SDK1: variants seen among roughly 807,000 people sequenced by gnomAD.
SDK1 encodes the protein protein sidekick-1.
In SDK1, 157 loss-of-function variants were observed where a neutral mutation model predicts 245.5. That is an observed-to-expected ratio of 0.64 (90% CI 0.56 to 0.73). The LOEUF is 0.73. SDK1 is among the 30% of genes least tolerant of loss of function. The pLI, the probability that SDK1 is intolerant of heterozygous loss-of-function variation, is 0.00. For synonymous variants in SDK1, 1,647 were observed against 1,278.5 expected, an observed-to-expected ratio of 1.29 and a Z score of -6.15; for missense variants, 3,583 against 3,002.3, an observed-to-expected ratio of 1.19 and a Z score of -4.52.
At chr7:4,160,698 C>T (rs951654751) in intron 31 of SDK1, among the ~76,000 whole-genome samples, 2 of 152,172 alleles carry the variant, frequency 1.3e-5, no homozygotes, top group African/African-American at 4.8e-5. Flanking sequence ...ATTGAGAACT[C>T]CCTGTAATGG....
chr7:3,321,255 A>C (rs1198069328), intron 1 of SDK1, among the ~76,000 whole-genome samples: 1 of 152,234 alleles, frequency 6.6e-6, no homozygotes, highest in East Asian at 1.9e-4. Flanking sequence ...TCAAAGTGAA[A>C]ACAAGTTGGA....
At chr7:4,065,709 T>TG (rs1779849791) in intron 19 of SDK1, among the ~76,000 whole-genome samples, 6 of 82,670 alleles carry the variant, frequency 7.3e-5, no homozygotes, top group Non-Finnish European at 1.1e-4. Context: ...TTTTTTTTTT[T>TG]TTTTTTTTTT....
rs562854278 is a variant in SDK1, at chr7:3,449,946, G to A, written c.298+148062G>A. ...TCCAGGATGCCATGAAAACGTAGAGGGGAACACACAAATCAGACTGGCTGT... is the reference window on the plus strand; with the variant it reads ...TCCAGGATGCCATGAAAACGTAGAGAGGAACACACAAATCAGACTGGCTGT... On this transcript the variant is annotated intron_variant, in intron 1 of 44. Coordinates refer to ENST00000404826, the MANE Select transcript of SDK1 (RefSeq NM_152744.4). Among the ~76,000 whole-genome samples, 8 of 152,238 alleles carry A rather than the reference G, an allele frequency of 5.3e-5. No homozygotes were observed. In the South Asian group the frequency reaches 8.3e-4, roughly 16 times the overall value.
chr7:3,461,279 C>T, intron 1 of SDK1, among the ~76,000 whole-genome samples: 1 of 152,188 alleles, frequency 6.6e-6, no homozygotes, highest in East Asian at 1.9e-4. Flanking sequence ...TTTCTAGTCA[C>T]TGTGACAATT....
intron 4 of SDK1, among the ~76,000 whole-genome samples, chr7:3,749,542 G>A (rs530375285): frequency 1.0e-3 from 158 of 152,134 alleles, no homozygotes; most frequent in African/African-American, 3.7e-3. Context: ...CTCGTGATCC[G>A]CCCGCCTTGG....
intron 2 of SDK1, among the ~76,000 whole-genome samples, chr7:3,636,968 A>G (rs115363351): frequency 6.6e-6 from 1 of 151,928 alleles, no homozygotes; most frequent in Non-Finnish European, 1.5e-5. Context: ...CCTGTTGACC[A>G]TTTCTGTGGC....
At chr7:3,503,149 G>T (rs1246511310) in intron 1 of SDK1, among the ~76,000 whole-genome samples, 1 of 152,160 alleles carries the variant, frequency 6.6e-6, no homozygotes, top group Non-Finnish European at 1.5e-5. Context: ...TGGCAAGGGA[G>T]TATTATCACA....
intron 5 of SDK1, among the ~76,000 whole-genome samples, chr7:3,870,604 T>A (rs1222809055): frequency 2.0e-5 from 3 of 152,196 alleles, no homozygotes; most frequent in African/African-American, 7.2e-5. Context: ...TTAAATAATT[T>A]TAGATTTACA....
At chr7:3,444,482 T>C (rs2128589616) in intron 1 of SDK1, among the ~76,000 whole-genome samples, 1 of 152,334 alleles carries the variant, frequency 6.6e-6, no homozygotes, top group East Asian at 1.9e-4. Context: ...TAGTAGCAGG[T>C]AGTACTAAAA....
intron 4 of SDK1, among the ~76,000 whole-genome samples, chr7:3,677,162 T>A (rs780127121): frequency 6.6e-6 from 1 of 152,162 alleles, no homozygotes; most frequent in Non-Finnish European, 1.5e-5. Context: ...AATTTCCAAC[T>A]CTCCCACAGG....
chr7:3,939,333 T>C (rs1355479922), intron 5 of SDK1, among the ~76,000 whole-genome samples: 1 of 152,226 alleles, frequency 6.6e-6, no homozygotes, highest in Non-Finnish European at 1.5e-5. Context: ...ATAGAAAATG[T>C]CTTCCAGACA....
At chr7:3,441,157 C>T (rs2341022) in intron 1 of SDK1, among the ~76,000 whole-genome samples, 3,297 of 152,196 alleles carry the variant, frequency 0.022, 70 homozygotes, top group South Asian at 0.06. Flanking sequence ...GTTCACATAA[C>T]TATTATTACA....
At chr7:3,854,433 C>A (rs1036142810) in intron 5 of SDK1, among the ~76,000 whole-genome samples, 1 of 152,134 alleles carries the variant, frequency 6.6e-6, no homozygotes, top group African/African-American at 2.4e-5. Flanking sequence ...TTAATGATTG[C>A]CCCCTGTCTC....
chr7:4,140,374 A>G (rs563868225), intron 28 of SDK1, among the ~76,000 whole-genome samples: 1 of 152,132 alleles, frequency 6.6e-6, no homozygotes, highest in South Asian at 2.1e-4. Flanking sequence ...GAGCCCTCAC[A>G]TGCTGGAGGC....
At chr7:4,217,985 T>C (rs79011841) in intron 38 of SDK1, among the ~76,000 whole-genome samples, 10,964 of 152,258 alleles carry the variant, frequency 0.072, 427 homozygotes, top group Middle Eastern at 0.13. Context: ...AGTTTGTGTG[T>C]TGATGACAGT....
At chr7:4,011,217 G>C in intron 15 of SDK1, 104 bp downstream of exon 15, 1 of 1,409,974 alleles carries the variant, frequency 7.1e-7, no homozygotes, top group Non-Finnish European at 9.6e-7. Flanking sequence ...CAACCCGCTG[G>C]CTTCCCTCAG....
At chr7:3,639,622 T>G (rs754252336) in intron 3 of SDK1, among the ~76,000 whole-genome samples, 2 of 152,104 alleles carry the variant, frequency 1.3e-5, no homozygotes, top group Non-Finnish European at 2.9e-5. Flanking sequence ...AGAACGAAAC[T>G]TTTAAAAGTA....
chr7:3,396,207 T>A (rs28875559), intron 1 of SDK1, among the ~76,000 whole-genome samples: 7 of 151,978 alleles, frequency 4.6e-5, no homozygotes, highest in African/African-American at 1.2e-4. Context: ...TTTAAAAAAA[T>A]TTTTCTTTGA....
Position 4,267,265 on chromosome 7 carries a change from C to A in SDK1, c.*1881C>A. ...TCTTTCCTCCCTCCCTCCCTCCTTCCCTCCCTTCCTTCCTCTCTTTCCTCC... is the reference window on the plus strand; with the variant it reads ...TCTTTCCTCCCTCCCTCCCTCCTTCACTCCCTTCCTTCCTCTCTTTCCTCC... On this transcript the variant is annotated 3_prime_UTR_variant, in exon 45 of 45. Coordinates refer to ENST00000404826, the MANE Select transcript of SDK1 (RefSeq NM_152744.4). 1.7e-6 allele frequency: 1 copy of A among 602,704 alleles called. No individual in the cohort carries two copies. The highest frequency in any genetic ancestry group is 2.1e-6 in the Non-Finnish European group (1 of 482,234). The allele number at this position is 602,704 out of a possible 1,614,324, so 37.3% of individuals were successfully genotyped here.
Sources: allele counts gnomAD v4.1 joint callset (sites outside exome capture counted in the v4.1 genomes callset), GRCh38; gene constraint gnomAD v4.1.1; transcripts MANE v1.5; gene names NCBI Gene and HGNC (gene_info 2026-07-23, HGNC 2026-07-21).